Variants in PCDH15 observed in about 807,000 individuals in gnomAD.
The protein encoded by PCDH15 is protocadherin-15.
PCDH15 carries 129 observed loss-of-function variants against 178.5 expected under a neutral mutation model. The observed-to-expected ratio is 0.72, with a 90% CI of 0.63 to 0.84. The LOEUF is 0.84. Ranked by LOEUF, PCDH15 falls within the 40% of genes least tolerant of loss-of-function variation. PCDH15 has a pLI of 0.00. For missense variants in PCDH15, 2,230 were observed against 2,099.9 expected (o/e 1.06, Z -1.21); for synonymous variants, 800 against 732.0 (o/e 1.09, Z -1.50).
chr10:54,437,790 C>T lies in PCDH15; in HGVS notation c.158-58848G>A, dbSNP rs191445991. ...ACTAATCCAATCAATCACCTTGATA[C>T]ATTTAGTTGTTTTATTTTTATAATT... On this transcript the variant is annotated intron_variant, in intron 3 of 37. Coordinates refer to ENST00000644397, the MANE Select transcript of PCDH15 (RefSeq NM_001384140.1). 5.8e-3 allele frequency among the ~76,000 whole-genome samples: 885 copies of T among 152,246 alleles called. 6 individuals carry two copies. The highest frequency in any genetic ancestry group is 0.018 in the African/African-American group (750 of 41,544).
chr10:55,344,496 T>G (rs1844689811), intron 2 of PCDH15, among the ~76,000 whole-genome samples: 1 of 151,962 alleles, frequency 6.6e-6, no homozygotes, highest in African/African-American at 2.4e-5. Context: ...GAAGTTAAAA[T>G]CAAAACTTTT....
At chr10:55,235,939 C>T (rs1564918922) in intron 1 of PCDH15, among the ~76,000 whole-genome samples, 1 of 148,060 alleles carries the variant, frequency 6.8e-6, no homozygotes, top group Non-Finnish European at 1.5e-5. Context: ...AAAAGAATCT[C>T]CTTCCATTTT....
At chr10:54,509,227 C>T (rs2081428112) in intron 3 of PCDH15, among the ~76,000 whole-genome samples, 1 of 151,850 alleles carries the variant, frequency 6.6e-6, no homozygotes, top group East Asian at 1.9e-4. Flanking sequence ...CCATAATTTC[C>T]ACGTGTTGTG....
intron 1 of PCDH15, among the ~76,000 whole-genome samples, chr10:54,752,797 C>CT: frequency 9.0e-6 from 1 of 110,976 alleles, no homozygotes; most frequent in Non-Finnish European, 2.1e-5. Context: ...ACTCTTCCAC[C>CT]TTTCCCCCCT....
At chr10:54,606,495 TG>T (rs1398712155) in intron 2 of PCDH15, 1 of 152,134 alleles carries the variant, frequency 6.6e-6, no homozygotes, top group Non-Finnish European at 1.5e-5. Flanking sequence ...TGCCCAAAGA[TG>T]CTTCTCTAGT....
chr10:54,479,830 G>A (rs2078579682), intron 3 of PCDH15, among the ~76,000 whole-genome samples: 1 of 151,980 alleles, frequency 6.6e-6, no homozygotes, highest in Non-Finnish European at 1.5e-5. Flanking sequence ...TCTTACAACT[G>A]TGAGTGTAAA....
At chr10:54,928,357 G>A (rs181444162) in intron 2 of PCDH15, among the ~76,000 whole-genome samples, 2 of 152,024 alleles carry the variant, frequency 1.3e-5, no homozygotes, top group Admixed American at 1.3e-4. Context: ...TTTCTCTCTA[G>A]CTGCCATTAA....
chr10:55,356,670 A>T (rs1845088260), intron 2 of PCDH15, among the ~76,000 whole-genome samples: 1 of 151,924 alleles, frequency 6.6e-6, no homozygotes, highest in South Asian at 2.1e-4. Context: ...TGTTTACTAG[A>T]TATCTGGAAT....
At chr10:55,505,021 G>A (rs1212532183) in intron 2 of PCDH15, among the ~76,000 whole-genome samples, 1 of 151,238 alleles carries the variant, frequency 6.6e-6, no homozygotes, top group Non-Finnish European at 1.5e-5. Flanking sequence ...CTAATTTCAG[G>A]GCTTTACAAT....
chr10:54,324,595 G>A (rs953563512), intron 7 of PCDH15, among the ~76,000 whole-genome samples: 2 of 151,860 alleles, frequency 1.3e-5, no homozygotes, highest in African/African-American at 4.8e-5. Flanking sequence ...GTGAAACTCC[G>A]TTTCTACTAA....
intron 28 of PCDH15, among the ~76,000 whole-genome samples, chr10:53,842,361 A>T (rs2077709702): frequency 6.6e-6 from 1 of 152,038 alleles, no homozygotes; most frequent in Non-Finnish European, 1.5e-5. Context: ...GGTTCAAGGG[A>T]TTCTCCTGTC....
At chr10:54,301,044 C>T (rs1413983393) in intron 8 of PCDH15, among the ~76,000 whole-genome samples, 1 of 152,148 alleles carries the variant, frequency 6.6e-6, no homozygotes, top group Non-Finnish European at 1.5e-5. Flanking sequence ...CTCCTGAAGT[C>T]AGCGAGACCA....
chr10:54,640,623 AC>A (rs2134944925), intron 2 of PCDH15, among the ~76,000 whole-genome samples: 1 of 152,254 alleles, frequency 6.6e-6, no homozygotes, highest in South Asian at 2.1e-4. Context: ...TAATTTATAT[AC>A]CTTTTCCCTC....
chr10:55,309,752 C>T lies in PCDH15; in HGVS notation c.-156+9847G>A, dbSNP rs534732144. Among the ~76,000 whole-genome samples the T allele has an allele frequency of 5.3e-5, 8 of 152,292 alleles. No individual in the cohort carries two copies. The South Asian group carries it at 1.7e-3, about 32-fold the overall frequency. On this transcript the variant is annotated intron_variant, in intron 1 of 5. Transcript: ENST00000458638. Reference sequence around the variant, plus strand: ...TCCCAACAAATTCTGTGTGCACCTTCATTATCTTAACTGTAAAGTGTTCTT... The same window carrying T: ...TCCCAACAAATTCTGTGTGCACCTTTATTATCTTAACTGTAAAGTGTTCTT...
At chr10:54,356,995 T>C (rs1565065765) in intron 5 of PCDH15, among the ~76,000 whole-genome samples, 1 of 152,152 alleles carries the variant, frequency 6.6e-6, no homozygotes, top group African/African-American at 2.4e-5. Flanking sequence ...AAATTAGGTA[T>C]TGATGGGACT....
At chr10:54,884,605 C>T (rs1262011017) in intron 3 of PCDH15, among the ~76,000 whole-genome samples, 3 of 151,758 alleles carry the variant, frequency 2.0e-5, no homozygotes, top group African/African-American at 7.3e-5. Context: ...CTTTTCCATG[C>T]TGCAAATCAG....
At chr10:55,477,001 T>C (rs941869758) in intron 2 of PCDH15, among the ~76,000 whole-genome samples, 1 of 151,866 alleles carries the variant, frequency 6.6e-6, no homozygotes, top group African/African-American at 2.4e-5. Flanking sequence ...AAATAAAACA[T>C]GTGAAGTGCC....
intron 2 of PCDH15, among the ~76,000 whole-genome samples, chr10:55,521,524 C>T (rs1426344216): frequency 1.3e-5 from 2 of 151,812 alleles, no homozygotes; most frequent in African/African-American, 4.8e-5. Context: ...AGGGTCATAT[C>T]CAGATAAACT....
intron 3 of PCDH15, among the ~76,000 whole-genome samples, chr10:54,443,195 C>T (rs1222707374): frequency 6.6e-6 from 1 of 151,568 alleles, no homozygotes; most frequent in Admixed American, 6.6e-5. Context: ...CTTTCTTTGC[C>T]TATGTACACC....
Sources: allele counts gnomAD v4.1 joint callset (sites outside exome capture counted in the v4.1 genomes callset), GRCh38; gene constraint gnomAD v4.1.1; transcripts MANE v1.5; gene names NCBI Gene and HGNC (gene_info 2026-07-23, HGNC 2026-07-21).